Variants in ZBTB41 observed in about 807,000 individuals in gnomAD.
The protein encoded by ZBTB41 is zinc finger and BTB domain-containing protein 41.
ZBTB41 carries 42 observed loss-of-function variants against 87.6 expected under a neutral mutation model. The ratio of observed to expected loss-of-function variants is 0.48; its 90% confidence interval spans 0.37 to 0.62. ZBTB41 has a LOEUF of 0.62. Ranked by LOEUF, ZBTB41 falls within the 20% of genes least tolerant of loss-of-function variation. The pLI, the probability that ZBTB41 is intolerant of heterozygous loss-of-function variation, is 0.00. For missense variants in ZBTB41, 799 were observed against 1,078.9 expected (o/e 0.74, Z 3.63); for synonymous variants, 364 against 364.0 (o/e 1.00, Z 0.00).
At chr1:197,198,294 A>G (rs1318380912) in intron 2 of ZBTB41, among the ~76,000 whole-genome samples, 1 of 148,880 alleles carries the variant, frequency 6.7e-6, no homozygotes, top group African/African-American at 2.6e-5. Context: ...ATTCCAAAAA[A>G]CATTATAAAA....
chr1:197,160,411 T>G (rs1217337874), intron 10 of ZBTB41, among the ~76,000 whole-genome samples: 1 of 152,126 alleles, frequency 6.6e-6, no homozygotes, highest in East Asian at 1.9e-4. Context: ...ATTGCTTACT[T>G]TTATTCCCAT....
chr1:197,183,495 A>G (rs1659807951), intron 5 of ZBTB41, among the ~76,000 whole-genome samples: 1 of 152,198 alleles, frequency 6.6e-6, no homozygotes, highest in Non-Finnish European at 1.5e-5. Context: ...GTAAATGTCA[A>G]CCTAACCCAG....
In ZBTB41 at chr1:197,200,204, T is replaced by C. The variant is rs1660276954; in HGVS notation, c.270A>G (p.Leu90=). 3 of 1,613,714 alleles carry C rather than the reference T, an allele frequency of 1.9e-6. No individual in the cohort carries two copies. The highest frequency in any genetic ancestry group is 2.7e-5 in the African/African-American group (2 of 75,030). ...ATTCTTTTCCTTCCACTATGATAAG[T>C]AAATCACAAAAAGATGGTTGCTTCT... ...DRQKQPSFCD[L]LIIVEGKEFS... Residue 90 remains leucine, a synonymous_variant, in exon 2 of 11, where the codon TTA becomes TTG. Transcript: ENST00000367405.
chr1:197,182,627 T>C (rs1659777935), intron 5 of ZBTB41, among the ~76,000 whole-genome samples: 2 of 152,168 alleles, frequency 1.3e-5, no homozygotes, highest in South Asian at 4.1e-4. Context: ...TATATTCATA[T>C]ATATTAAAAA....
chr1:197,198,750 A>G (rs1314828063), intron 2 of ZBTB41, among the ~76,000 whole-genome samples: 1 of 152,196 alleles, frequency 6.6e-6, no homozygotes, highest in African/African-American at 2.4e-5. Context: ...TAACAACCAA[A>G]GCTTCTTGGC....
chr1:197,172,348 T>C (rs1659503309), intron 9 of ZBTB41, 100 bp from the exon 10 acceptor site: 1 of 312,106 alleles, frequency 3.2e-6, no homozygotes, highest in Admixed American at 5.2e-5. Context: ...ATAATGAAAA[T>C]AAGTTGCAAC....
intron 2 of ZBTB41, among the ~76,000 whole-genome samples, chr1:197,197,599 G>A (rs1369895355): frequency 3.3e-5 from 5 of 151,440 alleles, no homozygotes; most frequent in African/African-American, 4.8e-5. Flanking sequence ...GAGGGAGGAA[G>A]GAAGGAAGGA....
chr1:197,181,517 T>G (rs890049747), intron 5 of ZBTB41, among the ~76,000 whole-genome samples: 2 of 152,242 alleles, frequency 1.3e-5, no homozygotes, highest in Non-Finnish European at 2.9e-5. Flanking sequence ...GATACAAAAT[T>G]AAGCCCAGGC....
At chr1:197,182,501 T>G (rs1469090013) in intron 5 of ZBTB41, among the ~76,000 whole-genome samples, 1 of 150,364 alleles carries the variant, frequency 6.7e-6, no homozygotes, top group Non-Finnish European at 1.5e-5. Context: ...GGTCTCAAAC[T>G]CCTGGGCTCA....
At position 197,154,750 on chromosome 1, in the gene ZBTB41, C is replaced by CTG. The variant is rs1659026434; in HGVS notation, c.*4607_*4608dup. On this transcript the variant is annotated 3_prime_UTR_variant, in exon 11 of 11. Coordinates refer to ENST00000367405, the MANE Select transcript of ZBTB41 (RefSeq NM_194314.3). ...GAAAAGGGTAGGATATAAGGAAGAA[C>CTG]TGTCTAGTTTCTAGAAGTCGTTTAG... is the stretch of plus-strand genomic sequence containing the variant. 6.6e-6 allele frequency: 1 copy of CTG among 152,450 alleles called. No individual in the cohort carries two copies. Among genetic ancestry groups the CTG allele is most frequent in the Non-Finnish European group, 1.5e-5 (1 of 67,904 alleles). 9.4% of individuals were successfully genotyped at this position (152,450 alleles called of 1,614,324 possible). A position where few individuals can be genotyped will look rare whatever the true frequency, so the allele number is the denominator to read the frequency against.
chr1:197,188,589 G>A (rs1445469385), intron 4 of ZBTB41, 150 bp from the exon 5 acceptor site: 9 of 778,934 alleles, frequency 1.2e-5, no homozygotes, highest in East Asian at 2.9e-5. Context: ...TTCTAATTGT[G>A]CAGAAAAAAA....
In ZBTB41 at chr1:197,175,021, T is replaced by C. The variant is rs1248902873; in HGVS notation, c.1974A>G (p.Lys658=). The change falls in exon 9 of 11, where the codon AAA becomes AAG. Residue 658 remains lysine, a synonymous_variant. Transcript: ENST00000367405. ...VHYKSVHLGE[K]VWQKYKATFH... is the part of the protein sequence containing the mutation. The stretch of plus-strand genomic sequence containing the variant: ...GCTTTTTCACTTACTTTTGCCACAC[T>C]TTCTCTCCAAGGTGTACGCTTTTGT... The C allele has an allele frequency of 6.2e-7, 1 of 1,607,548 alleles. No individual in the cohort carries two copies. The highest frequency in any genetic ancestry group is 8.5e-7 in the Non-Finnish European group (1 of 1,176,730).
At chr1:197,174,528 TA>T (rs1659555470) in intron 9 of ZBTB41, among the ~76,000 whole-genome samples, 1 of 152,108 alleles carries the variant, frequency 6.6e-6, no homozygotes, top group Non-Finnish European at 1.5e-5. Flanking sequence ...AAACATGAAT[TA>T]CTTGAATGTT....
Position 197,154,149 on chromosome 1 carries a change from C to A in ZBTB41, c.*5210G>T, listed in dbSNP as rs980597681. The A allele has an allele frequency of 5.2e-5, 8 of 152,458 alleles. No individual in the cohort carries two copies. The highest frequency in any genetic ancestry group is 1.2e-4 in the Non-Finnish European group (8 of 67,934). The allele number at this position is 152,458 out of a possible 1,614,324, so 9.4% of individuals were successfully genotyped here. A position where few individuals can be genotyped will look rare whatever the true frequency, so the allele number is the denominator to read the frequency against. On this transcript the variant is annotated 3_prime_UTR_variant, in exon 11 of 11. Coordinates refer to ENST00000367405, the MANE Select transcript of ZBTB41 (RefSeq NM_194314.3). ...AGAAGGAATAAAAATTTTGTAATTA[C>A]ATCACAGTACATTGTCCAGCTTTAA...
At chr1:197,188,519 A>G in intron 4 of ZBTB41, 80 bp from the exon 5 acceptor site, 1 of 1,282,754 alleles carries the variant, frequency 7.8e-7, no homozygotes, top group South Asian at 1.6e-5. Context: ...GAAGAAAACC[A>G]TATAAATTCA....
chr1:197,189,370 A>G (rs1275874727), intron 4 of ZBTB41, among the ~76,000 whole-genome samples: 1 of 151,986 alleles, frequency 6.6e-6, no homozygotes, highest in Non-Finnish European at 1.5e-5. Flanking sequence ...TACTAAAAAT[A>G]CAAAAATTAG....
chr1:197,166,849 AAAC>A (rs540520910), intron 10 of ZBTB41, among the ~76,000 whole-genome samples: 81 of 152,118 alleles, frequency 5.3e-4, no homozygotes, highest in African/African-American at 1.2e-3. Flanking sequence ...TCGGTCTCAA[AAAC>A]AACAACAACA....
chr1:197,168,269 G>A (rs1659396901), intron 10 of ZBTB41, among the ~76,000 whole-genome samples: 1 of 151,900 alleles, frequency 6.6e-6, no homozygotes, highest in Admixed American at 6.6e-5. Context: ...TAATGGAGGT[G>A]TTCACAGACT....
rs770325467 is a variant in ZBTB41 at position 197,199,655 on chromosome 1, A to T, written c.819T>A (p.Ser273Arg). The T allele has an allele frequency of 3.1e-6, 5 of 1,613,030 alleles. No individual in the cohort carries two copies. Among genetic ancestry groups the T allele is most frequent in the Non-Finnish European group, 4.2e-6 (5 of 1,179,888 alleles). ...GATTCAAATTGTCTGACCCATCACC[A>T]CTTTCCTGTTCATCATCGCTGGTGT... ...FDDTSDDEQE[S>R]GDGSDNLNQE... Residue 273 changes from serine (S) to arginine (R), a missense_variant, in exon 2 of 11, where the codon AGT becomes AGA. Coordinates refer to ENST00000367405, the MANE Select transcript of ZBTB41 (RefSeq NM_194314.3).
Sources: allele counts gnomAD v4.1 joint callset (sites outside exome capture counted in the v4.1 genomes callset), GRCh38; gene constraint gnomAD v4.1.1; transcripts MANE v1.5; gene names NCBI Gene and HGNC (gene_info 2026-07-23, HGNC 2026-07-21).